Variants in FBLN2 observed in about 807,000 individuals in gnomAD.
FBLN2 encodes fibulin-2.
In FBLN2, 81 loss-of-function variants were observed where a neutral mutation model predicts 123.7. The observed-to-expected ratio is 0.65, with a 90% CI of 0.55 to 0.79. The LOEUF (loss-of-function observed/expected upper bound fraction) is 0.79, where lower values mean the gene tolerates loss of function less well. Among genes scored for constraint, FBLN2 ranks in the 30% least tolerant of loss-of-function variants. The pLI is 0.00. For synonymous variants in FBLN2, 699 were observed against 701.4 expected, an observed-to-expected ratio of 1.00 and a Z score of 0.05; for missense variants, 1,603 against 1,681.3, an observed-to-expected ratio of 0.95 and a Z score of 0.81.
intron 2 of FBLN2, among the ~76,000 whole-genome samples, chr3:13,592,018 CT>C (rs869103466): frequency 4.3e-3 from 564 of 131,982 alleles, no homozygotes; most frequent in Middle Eastern, 7.8e-3. Context: ...CCTCTCTTTT[CT>C]TTTTTTTTTT....
intron 2 of FBLN2, among the ~76,000 whole-genome samples, chr3:13,577,107 C>T (rs1039217569): frequency 6.6e-6 from 1 of 151,848 alleles, no homozygotes; most frequent in South Asian, 2.1e-4. Context: ...CCTGTAATCC[C>T]AGCTACTCAG....
intron 10 of FBLN2, 81 bp from the exon 11 acceptor site, chr3:13,627,751 G>T: frequency 6.8e-7 from 1 of 1,478,798 alleles, no homozygotes; most frequent in Admixed American, 2.2e-5. Flanking sequence ...GGGTCTGAGG[G>T]CGGGGATGTG....
intron 2 of FBLN2, among the ~76,000 whole-genome samples, chr3:13,583,871 C>T (rs1048442099): frequency 2.3e-4 from 35 of 152,196 alleles, no homozygotes; most frequent in African/African-American, 8.0e-4. Context: ...CTAGCCTGCC[C>T]CCCTCACCTT....
intron 1 of FBLN2, among the ~76,000 whole-genome samples, chr3:13,556,220 G>T (rs1199354853): frequency 6.6e-6 from 1 of 152,214 alleles, no homozygotes; most frequent in Non-Finnish European, 1.5e-5. Flanking sequence ...TTTCTCAGTT[G>T]TGGAGGCTGG....
At chr3:13,567,705 T>C (rs1026102568) in intron 1 of FBLN2, among the ~76,000 whole-genome samples, 6 of 148,824 alleles carry the variant, frequency 4.0e-5, no homozygotes, top group South Asian at 2.4e-4. Context: ...CGGTGGCTCA[T>C]GCCTGTAATC....
intron 7 of FBLN2, 77 bp from the exon 8 acceptor site, chr3:13,619,653 G>A: frequency 8.1e-7 from 1 of 1,240,218 alleles, no homozygotes; most frequent in South Asian, 1.3e-5. Flanking sequence ...GTAGGTTAGA[G>A]CCAGGGATGG....
intron 16 of FBLN2, among the ~76,000 whole-genome samples, chr3:13,633,239 C>T (rs1706319839): frequency 6.6e-6 from 1 of 152,280 alleles, no homozygotes; most frequent in Non-Finnish European, 1.5e-5. Context: ...GCGCTTCTCT[C>T]CTGCCCGGGC....
chr3:13,602,462 A>C (rs746560989), intron 2 of FBLN2, among the ~76,000 whole-genome samples: 1 of 152,216 alleles, frequency 6.6e-6, no homozygotes, highest in Non-Finnish European at 1.5e-5. Flanking sequence ...ATTCTGTGAC[A>C]GTTACACTTT....
chr3:13,621,678 CCCCTTGCTGGGT>C, intron 8 of FBLN2, 85 bp from the exon 9 acceptor site: 1 of 1,372,014 alleles, frequency 7.3e-7, no homozygotes, highest in Non-Finnish European at 1.0e-6. Flanking sequence ...CAGGCCCCTG[CCCCTTGCTGGGT>C]CTCATTCTCC....
At chr3:13,582,176 C>T (rs1194150470) in intron 2 of FBLN2, among the ~76,000 whole-genome samples, 1 of 152,180 alleles carries the variant, frequency 6.6e-6, no homozygotes, top group African/African-American at 2.4e-5. Flanking sequence ...GGTTCCAAGT[C>T]CTGAGGCCCT....
chr3:13,588,136 C>A (rs1028214656), intron 2 of FBLN2, among the ~76,000 whole-genome samples: 1 of 152,228 alleles, frequency 6.6e-6, no homozygotes, highest in Non-Finnish European at 1.5e-5. Flanking sequence ...TCTTTTATAT[C>A]ATACTCTTAC....
At chr3:13,622,052 T>G in intron 9 of FBLN2, 137 bp downstream of exon 9, 1 of 1,060,186 alleles carries the variant, frequency 9.4e-7, no homozygotes, top group Non-Finnish European at 1.3e-6. Context: ...ATCTCCGTGC[T>G]CTATGTCGTG....
chr3:13,629,927 G>A lies in FBLN2; in HGVS notation c.2950G>A (p.Asp984Asn). ...SCASGFLLAA[D>N]GKRCEDVNEC... Reference sequence around the variant, plus strand: ...CGCCTCCGGGTTCCTGCTAGCAGCGGACGGCAAGCGCTGTGAAGGTAGGCT... The same window carrying A: ...CGCCTCCGGGTTCCTGCTAGCAGCGAACGGCAAGCGCTGTGAAGGTAGGCT... Residue 984 changes from aspartate (D) to asparagine (N), a missense_variant, in exon 14 of 18, where the codon GAC becomes AAC. Transcript: ENST00000404922. The A allele has an allele frequency of 6.2e-7, 1 of 1,610,470 alleles. No homozygotes were observed. The highest frequency in any genetic ancestry group is 8.5e-7 in the Non-Finnish European group (1 of 1,179,002).
chr3:13,559,657 G>T (rs919666033), intron 1 of FBLN2, among the ~76,000 whole-genome samples: 2 of 152,208 alleles, frequency 1.3e-5, no homozygotes, highest in African/African-American at 2.4e-5. Flanking sequence ...TATGTGCCAG[G>T]TGGTCAGAAA....
At chr3:13,552,412 G>A (rs983521192) in intron 1 of FBLN2, among the ~76,000 whole-genome samples, 2 of 152,126 alleles carry the variant, frequency 1.3e-5, no homozygotes, top group Admixed American at 1.3e-4. Context: ...GCCCGGTGGT[G>A]GACGTAAACA....
intron 2 of FBLN2, among the ~76,000 whole-genome samples, chr3:13,576,235 T>C (rs767674663): frequency 2.0e-5 from 3 of 152,184 alleles, no homozygotes; most frequent in Non-Finnish European, 2.9e-5. Flanking sequence ...GCCACAGCTA[T>C]GGGCAGCAGA....
intron 8 of FBLN2, 34 bp downstream of exon 8, chr3:13,619,865 A>G (rs1394212004): frequency 1.3e-6 from 2 of 1,564,634 alleles, no homozygotes; most frequent in South Asian, 1.2e-5. Context: ...TACCTGTGCA[A>G]ACCTGAGTTG....
In FBLN2 at chr3:13,637,992, A is replaced by G; in HGVS notation, c.*73A>G. The G allele has an allele frequency of 1.5e-6, 2 of 1,355,068 alleles. No homozygotes were observed. The highest frequency in any genetic ancestry group is 2.0e-6 in the Non-Finnish European group (2 of 986,038). 83.9% of individuals were successfully genotyped at this position (1,355,068 alleles called of 1,614,324 possible). ...ACTGCGTGGGAGGGACTGGGTCACT[A>G]TTGTGGTTTTTACTATAACTTTGTA... On this transcript the variant is annotated 3_prime_UTR_variant, in exon 18 of 18. Coordinates refer to ENST00000404922, the MANE Select transcript of FBLN2 (RefSeq NM_001004019.2).
At chr3:13,572,052 G>A (rs543594956) in intron 2 of FBLN2, among the ~76,000 whole-genome samples, 1 of 152,222 alleles carries the variant, frequency 6.6e-6, no homozygotes, top group African/African-American at 2.4e-5. Context: ...CAGCTGCCCC[G>A]GTGGCTGGCC....
Sources: allele counts gnomAD v4.1 joint callset (sites outside exome capture counted in the v4.1 genomes callset), GRCh38; gene constraint gnomAD v4.1.1; transcripts MANE v1.5; gene names NCBI Gene and HGNC (gene_info 2026-07-23, HGNC 2026-07-21).